SDCBP: variants seen among roughly 807,000 people sequenced by gnomAD.
SDCBP encodes syndecan binding protein, also known as syntenin-1.
SDCBP carries 22 observed loss-of-function variants against 30.5 expected under a neutral mutation model. That is an observed-to-expected ratio of 0.72 (90% confidence interval 0.52 to 1.03). The LOEUF (loss-of-function observed/expected upper bound fraction) is 1.03. Among genes scored for constraint, SDCBP ranks in the 50% least tolerant of loss-of-function variants. The probability of loss-of-function intolerance (pLI) is 0.00; values close to 1 mark genes in which losing one functional copy is unlikely to be tolerated. For missense variants in SDCBP, 304 were observed against 369.9 expected, an observed-to-expected ratio of 0.82 and a Z score of 1.46; for synonymous variants, 103 against 118.7, an observed-to-expected ratio of 0.87 and a Z score of 0.86.
chr8:58,559,164 T>C (rs1432191010), intron 1 of SDCBP, among the ~76,000 whole-genome samples: 1 of 152,192 alleles, frequency 6.6e-6, no homozygotes, highest in Non-Finnish European at 1.5e-5. Flanking sequence ...ACAACTTCAG[T>C]TAATATTTAT....
chr8:58,571,253 A>G (rs1043239577), intron 3 of SDCBP, among the ~76,000 whole-genome samples: 1 of 152,198 alleles, frequency 6.6e-6, no homozygotes, highest in African/African-American at 2.4e-5. Flanking sequence ...AATTATATAT[A>G]TGAATTCACA....
chr8:58,559,087 T>A (rs1424952763), intron 1 of SDCBP, among the ~76,000 whole-genome samples: 2 of 152,218 alleles, frequency 1.3e-5, no homozygotes, highest in African/African-American at 4.8e-5. Context: ...TTAAAAAAAA[T>A]TTTGAAAGTC....
At position 58,576,040 on chromosome 8, in the gene SDCBP, C is replaced by T. The variant is rs1334567458; in HGVS notation, c.381C>T (p.Leu127=). The T allele has an allele frequency of 1.9e-6, 3 of 1,612,780 alleles. No individual in the cohort carries two copies. The African/African-American group carries it at 4.0e-5, about 22-fold the overall frequency. ...LCKDQDGKIG[L]RLKSIDNGIF... is the part of the protein sequence containing the mutation. The stretch of plus-strand genomic sequence containing the variant: ...AGGATCAAGATGGAAAAATTGGACT[C>T]AGGCTTAAATCAATAGATAATGTAA... The change falls in exon 5 of 9, where the codon CTC becomes CTT. Residue 127 remains leucine, a synonymous_variant. Coordinates refer to ENST00000260130, the MANE Select transcript of SDCBP (RefSeq NM_005625.4).
chr8:58,569,494 C>T (rs1804902473), intron 2 of SDCBP, among the ~76,000 whole-genome samples: 1 of 152,250 alleles, frequency 6.6e-6, no homozygotes, highest in African/African-American at 2.4e-5. Flanking sequence ...GCCACTGTGC[C>T]TGGCCTAATA....
intron 1 of SDCBP, among the ~76,000 whole-genome samples, chr8:58,564,657 A>G (rs907229529): frequency 6.6e-6 from 1 of 152,244 alleles, no homozygotes; most frequent in African/African-American, 2.4e-5. Context: ...GCATTGTACT[A>G]AGGGTAGTTT....
chr8:58,554,320 A>AGTTTTAACTAAATGAG (rs1419551308), intron 1 of SDCBP, among the ~76,000 whole-genome samples: 5 of 152,234 alleles, frequency 3.3e-5, no homozygotes, highest in Non-Finnish European at 5.9e-5. Context: ...TGTGTATGTG[A>AGTTTTAACTAAATGAG]TTAGTTAAAA....
chr8:58,571,108 A>T, intron 3 of SDCBP, 143 bp downstream of exon 3: 1 of 561,992 alleles, frequency 1.8e-6, no homozygotes, highest in Non-Finnish European at 3.2e-6. Flanking sequence ...AAGAAAAAAA[A>T]GTTTACTTCA....
chr8:58,572,334 T>C lies in SDCBP; in HGVS notation c.240+20T>C. 6.8e-7 allele frequency: 1 copy of C among 1,469,074 alleles called. No individual in the cohort carries two copies. Among genetic ancestry groups the C allele is most frequent in the Non-Finnish European group, 9.5e-7 (1 of 1,049,166 alleles). The allele number at this position is 1,469,074 out of a possible 1,614,324, so 91.0% of individuals were successfully genotyped here. A position where few individuals can be genotyped will look rare whatever the true frequency, so the allele number is the denominator to read the frequency against. ...CAGGGGGTATGTATAGTGTAATTAA[T>C]TTTGATTTATATAAAATCATACTTT... On this transcript the variant is annotated intron_variant, in intron 4 of 8. Transcript: ENST00000260130.
At chr8:58,567,059 G>GT (rs1463372350) in intron 2 of SDCBP, among the ~76,000 whole-genome samples, 1 of 152,168 alleles carries the variant, frequency 6.6e-6, no homozygotes, top group Admixed American at 6.5e-5. Context: ...CTACAAGCAT[G>GT]TTTTTTCCAC....
intron 1 of SDCBP, chr8:58,561,826 G>C (rs1362745670): frequency 1.5e-6 from 1 of 668,194 alleles, no homozygotes; most frequent in African/African-American, 1.8e-5. Flanking sequence ...TGATATATAA[G>C]TCTAAGACAA....
intron 5 of SDCBP, 35 bp from the exon 6 acceptor site, chr8:58,577,998 T>C (rs752163956): frequency 5.3e-6 from 8 of 1,518,550 alleles, no homozygotes; most frequent in Non-Finnish European, 7.3e-6. Context: ...ATCATAGTAG[T>C]GGTAAATGAC....
intron 4 of SDCBP, 136 bp from the exon 5 acceptor site, chr8:58,575,764 T>C: frequency 1.5e-6 from 1 of 689,264 alleles, no homozygotes; most frequent in Non-Finnish European, 2.5e-6. Flanking sequence ...TTCATAGACA[T>C]CAAACTTTAT....
chr8:58,577,074 CTT>C (rs1266745027), intron 5 of SDCBP, among the ~76,000 whole-genome samples: 3 of 152,240 alleles, frequency 2.0e-5, no homozygotes, highest in Non-Finnish European at 4.4e-5. Context: ...CAGGATTGCT[CTT>C]GTGTTCTTTC....
intron 2 of SDCBP, among the ~76,000 whole-genome samples, chr8:58,567,389 C>A (rs1202343738): frequency 6.6e-6 from 1 of 152,164 alleles, no homozygotes; most frequent in Non-Finnish European, 1.5e-5. Context: ...TGTTTTAGAG[C>A]AATTTTAGAT....
At position 58,554,546 on chromosome 8, in the gene SDCBP, AAATTT is replaced by A. The variant is rs143690571; in HGVS notation, c.-16+1246_-16+1250del. 1.1e-3 allele frequency among the ~76,000 whole-genome samples: 161 copies of A among 152,350 alleles called. No homozygotes were observed. The Middle Eastern group carries it at 0.014, about 13-fold the overall frequency. On this transcript the variant is annotated intron_variant, in intron 1 of 8. Coordinates refer to ENST00000260130, the MANE Select transcript of SDCBP (RefSeq NM_005625.4). ...GTAAATAGTCACTCCATTATAAATTAAATTTAACTTTGGAGACATTAACTTTTAGT... is the reference window on the plus strand; with the variant it reads ...GTAAATAGTCACTCCATTATAAATTAAACTTTGGAGACATTAACTTTTAGT...
At chr8:58,581,365 G>A (rs6997660) in intron 8 of SDCBP, among the ~76,000 whole-genome samples, 14 of 152,124 alleles carry the variant, frequency 9.2e-5, no homozygotes, top group African/African-American at 3.4e-4. Flanking sequence ...TTAAATCACT[G>A]ATGGATCCCT....
intron 1 of SDCBP, among the ~76,000 whole-genome samples, chr8:58,564,781 A>C (rs1035036664): frequency 2.6e-5 from 4 of 152,212 alleles, no homozygotes; most frequent in African/African-American, 9.6e-5. Context: ...AATTTTAAAA[A>C]TCGGTGATGG....
Position 58,579,736 on chromosome 8 carries a change from G to A in SDCBP, c.692G>A (p.Gly231Asp), listed in dbSNP as rs145919468. ...IVKDSSAARN[G>D]LLTEHNICEI... ...AAAGATAGCTCTGCAGCCAGAAATG[G>A]TCTTCTCACGGAACATAACATCTGT... Residue 231 changes from glycine to aspartate, a missense_variant, in exon 7 of 9, where the codon GGT (glycine) becomes GAT (aspartate). Gly to Asp is a moderately conservative substitution (Grantham distance 94). Coordinates refer to ENST00000260130, the MANE Select transcript of SDCBP (RefSeq NM_005625.4). The A allele has an allele frequency of 1.6e-5, 25 of 1,612,834 alleles. No homozygotes were observed. The highest frequency in any genetic ancestry group is 2.0e-5 in the Non-Finnish European group (24 of 1,179,424).
intron 1 of SDCBP, among the ~76,000 whole-genome samples, chr8:58,554,776 G>T (rs1354431607): frequency 6.6e-6 from 1 of 152,024 alleles, no homozygotes; most frequent in Non-Finnish European, 1.5e-5. Context: ...AAAGAAAAGC[G>T]CCCCCAAATA....
Sources: allele counts gnomAD v4.1 joint callset (sites outside exome capture counted in the v4.1 genomes callset), GRCh38; gene constraint gnomAD v4.1.1; transcripts MANE v1.5; gene names NCBI Gene and HGNC (gene_info 2026-07-23, HGNC 2026-07-21).